The following STARD8 variants were observed in gnomAD, a reference collection of about 807,000 sequenced individuals.
STARD8 encodes the protein stAR-related lipid transfer protein 8.
A neutral mutation model predicts 69.4 loss-of-function variants in STARD8; 25 were observed. That is an observed-to-expected ratio of 0.36 (90% CI 0.26 to 0.50). The LOEUF is 0.50. Ranked by LOEUF, STARD8 falls within the 20% of genes least tolerant of loss-of-function variation. STARD8 has a pLI of 0.96. For synonymous variants in STARD8, 389 were observed against 374.6 expected (o/e 1.04, Z -0.45); for missense variants, 921 against 932.5 (o/e 0.99, Z 0.16).
At chrX:68,721,315 G>A (rs758901662) in intron 9 of STARD8, among the ~76,000 whole-genome samples, 193 bp downstream of exon 9, 1 of 111,800 alleles carries the variant, frequency 8.9e-6, no homozygotes, top group Non-Finnish European at 1.9e-5. Flanking sequence ...TATATGGAAA[G>A]GTAGACTGAG....
At chrX:68,659,851 T>A (rs768271600) in intron 1 of STARD8, among the ~76,000 whole-genome samples, 5 of 110,962 alleles carry the variant, frequency 4.5e-5, no homozygotes, top group African/African-American at 1.6e-4. Flanking sequence ...GGAGTCAGGA[T>A]GGGGCAGGAG....
intron 5 of STARD8, among the ~76,000 whole-genome samples, chrX:68,716,743 G>A (rs966404605): frequency 1.8e-5 from 2 of 111,629 alleles, no homozygotes; most frequent in African/African-American, 6.5e-5. Flanking sequence ...CTCTACCACT[G>A]ATTACTGAGG....
At chrX:68,667,403 C>T (rs111745409) in intron 2 of STARD8, among the ~76,000 whole-genome samples, 4,269 of 111,669 alleles carry the variant, frequency 0.038, 94 homozygotes, top group Non-Finnish European at 0.057. Context: ...CAATAGACAG[C>T]GCATTAAAAA....
chrX:68,649,924 A>C (rs1000475522), intron 1 of STARD8, among the ~76,000 whole-genome samples: 1 of 111,137 alleles, frequency 9.0e-6, no homozygotes, highest in African/African-American at 3.3e-5. Context: ...GAGAGGAAGA[A>C]ATGATAGAGA....
chrX:68,684,560 G>A (rs999609805), intron 2 of STARD8, among the ~76,000 whole-genome samples: 36 of 112,687 alleles, frequency 3.2e-4, no homozygotes, highest in African/African-American at 1.0e-3. Flanking sequence ...CGCGGGCGGC[G>A]TGGGGGAGGG....
chrX:68,690,704 A>G (rs1427802270), intron 2 of STARD8, among the ~76,000 whole-genome samples: 1 of 112,198 alleles, frequency 8.9e-6, no homozygotes, highest in Non-Finnish European at 1.9e-5. Flanking sequence ...GAAAAAACTG[A>G]TGGCTGGGGT....
chrX:68,668,105 C>A (rs2079698607), intron 2 of STARD8, among the ~76,000 whole-genome samples: 2 of 94,824 alleles, frequency 2.1e-5, no homozygotes, highest in African/African-American at 8.1e-5. Flanking sequence ...TTCTTTCTTT[C>A]TTTCTTTCTG....
chrX:68,655,358 A>G (rs963381072), intron 1 of STARD8, among the ~76,000 whole-genome samples: 10 of 112,223 alleles, frequency 8.9e-5, no homozygotes, highest in Non-Finnish European at 1.9e-5. Flanking sequence ...CTCTCAGGTC[A>G]TGGTAAAACC....
At chrX:68,651,406 T>G in intron 1 of STARD8, among the ~76,000 whole-genome samples, 1 of 112,491 alleles carries the variant, frequency 8.9e-6, no homozygotes, top group Non-Finnish European at 1.9e-5. Flanking sequence ...CCAATGCTGC[T>G]GCTTTGAGGC....
intron 2 of STARD8, chrX:68,693,607 C>T (rs887911423): frequency 1.5e-5 from 11 of 749,667 alleles, no homozygotes; most frequent in Non-Finnish European, 1.6e-5. Context: ...GGCGTCCCTA[C>T]AGCCCTACTC....
chrX:68,652,078 G>A (rs1000135820), intron 1 of STARD8, among the ~76,000 whole-genome samples: 7 of 106,433 alleles, frequency 6.6e-5, no homozygotes, highest in Non-Finnish European at 1.4e-4. Context: ...GGCTGGTCTC[G>A]AGCTCCTAAC....
At chrX:68,715,452 T>C in intron 4 of STARD8, 77 bp downstream of exon 4, 1 of 878,704 alleles carries the variant, frequency 1.1e-6, no homozygotes. Flanking sequence ...ACATCCCTTG[T>C]ACCCTCTAAC....
Position 68,721,652 on chromosome X carries a change from G to T in STARD8, c.2365G>T (p.Glu789Ter). 4.1e-6 allele frequency: 5 copies of T among 1,212,217 alleles called. No homozygotes were observed. Among genetic ancestry groups the T allele is most frequent in the Non-Finnish European group, 4.5e-6 (4 of 895,623 alleles). Residue 789 changes from glutamate to a stop codon, truncating the protein, a stop_gained, in exon 10 of 15, where the codon GAG (glutamate) becomes TAG (stop). Transcript: ENST00000374599. LOFTEE classifies it high-confidence loss of function. ...LYFLSDIASA[E>*]ENQMTAGNLA... ...CTTCTTAAGTGACATTGCCTCTGCC[G>T]AGGAAAACCAGATGACAGCAGGCAA...
intron 11 of STARD8, 30 bp from the exon 12 acceptor site, chrX:68,722,392 C>T: frequency 8.7e-7 from 1 of 1,149,770 alleles, no homozygotes; most frequent in Non-Finnish European, 1.2e-6. Flanking sequence ...CTCTCTGGAG[C>T]TGCAGCCCAT....
rs915343841 is a variant in STARD8 at position 68,704,248 on chromosome X, G to A, written c.80-8666G>A. Among the ~76,000 whole-genome samples, 7 of 112,030 alleles carry A rather than the reference G, an allele frequency of 6.2e-5. No homozygotes were observed. The Admixed American group carries it at 6.6e-4, about 11-fold the overall frequency. Reference sequence around the variant, plus strand: ...CTGGGTGTTAGGGGGTTGGTGAGAGGTCAGGGGAGGCTTCGCGGGAGTGGG... The same window carrying A: ...CTGGGTGTTAGGGGGTTGGTGAGAGATCAGGGGAGGCTTCGCGGGAGTGGG... On this transcript the variant is annotated intron_variant, in intron 2 of 14. Coordinates refer to ENST00000374599, the MANE Select transcript of STARD8 (RefSeq NM_001142503.3).
rs961756169 is a variant in STARD8 at position 68,718,574 on chromosome X, A to G, written c.1660A>G (p.Met554Val). 5 of 1,210,956 alleles carry G rather than the reference A, an allele frequency of 4.1e-6. No individual in the cohort carries two copies. The highest frequency in any genetic ancestry group is 5.6e-6 in the Non-Finnish European group (5 of 895,084). Residue 554 changes from methionine to valine, a missense_variant, in exon 6 of 15, where the codon ATG (methionine) becomes GTG (valine). By Grantham distance (21) the Met-to-Val change is conservative. Transcript: ENST00000374599. Reference sequence around the variant, plus strand: ...GCCCCTGGCTGGACTCCAGGCATCAATGCCCCGTGAACGGCGCGATTCAGG... The same window carrying G: ...GCCCCTGGCTGGACTCCAGGCATCAGTGCCCCGTGAACGGCGCGATTCAGG... Reference protein sequence around the residue: ...AGPLAGLQASMPRERRDSGVG... With the variant: ...AGPLAGLQASVPRERRDSGVG...
At chrX:68,698,902 T>C (rs927457299) in intron 2 of STARD8, among the ~76,000 whole-genome samples, 6 of 111,846 alleles carry the variant, frequency 5.4e-5, no homozygotes, top group African/African-American at 1.6e-4. Flanking sequence ...CCTTTTCTTA[T>C]CTACCAGGCA....
chrX:68,724,446 C>T lies in STARD8; in HGVS notation c.*24C>T. Reference sequence around the variant, plus strand: ...GAGCCTTGGGCTGGTCCCAGGGTGGCACCACCCAGGCCCCCTGGGCACCAA... The same window carrying T: ...GAGCCTTGGGCTGGTCCCAGGGTGGTACCACCCAGGCCCCCTGGGCACCAA... On this transcript the variant is annotated 3_prime_UTR_variant, in exon 15 of 15. Coordinates refer to ENST00000374599, the MANE Select transcript of STARD8 (RefSeq NM_001142503.3). 2 of 1,155,327 alleles carry T rather than the reference C, an allele frequency of 1.7e-6. No individual in the cohort carries two copies. The highest frequency in any genetic ancestry group is 1.8e-5 in the African/African-American group (1 of 56,769).
intron 1 of STARD8, among the ~76,000 whole-genome samples, chrX:68,661,837 C>T (rs762314949): frequency 9.1e-6 from 1 of 109,753 alleles, no homozygotes; most frequent in South Asian, 4.0e-4. Context: ...AGAACCTTAC[C>T]ACTAACTCTG....
Sources: allele counts gnomAD v4.1 joint callset (sites outside exome capture counted in the v4.1 genomes callset), GRCh38; gene constraint gnomAD v4.1.1; transcripts MANE v1.5; gene names NCBI Gene and HGNC (gene_info 2026-07-23, HGNC 2026-07-21).